Variants in CFTR observed in about 807,000 individuals in gnomAD.
The protein encoded by CFTR is CF transmembrane conductance regulator, also known as cystic fibrosis transmembrane conductance regulator.
A neutral mutation model predicts 171.6 loss-of-function variants in CFTR; 181 were observed. The observed-to-expected ratio is 1.05, with a 90% CI of 0.93 to 1.19. The LOEUF is 1.19. Ranked by LOEUF, CFTR falls within the 50% of genes most tolerant of loss-of-function variation. The pLI is 0.00. For synonymous variants in CFTR, 583 were observed against 608.0 expected (o/e 0.96, Z 0.60); for missense variants, 1,968 against 1,734.7 (o/e 1.13, Z -2.39).
chr7:117,543,649 G>T (rs552891745), intron 9 of CFTR, among the ~76,000 whole-genome samples: 105 of 152,152 alleles, frequency 6.9e-4, no homozygotes, highest in Non-Finnish European at 1.0e-3. Flanking sequence ...TCACACAACT[G>T]GCAAGGACTG....
chr7:117,532,426 G>T (rs1276150993), intron 4 of CFTR, among the ~76,000 whole-genome samples: 1 of 152,148 alleles, frequency 6.6e-6, no homozygotes, highest in African/African-American at 2.4e-5. Context: ...CTATCTTATG[G>T]ATAAGTAAAC....
chr7:117,626,113 G>T (rs1792645497), intron 21 of CFTR, among the ~76,000 whole-genome samples: 1 of 152,074 alleles, frequency 6.6e-6, no homozygotes, highest in Non-Finnish European at 1.5e-5. Flanking sequence ...ATATTTTCAA[G>T]ATGAAGGAAA....
chr7:117,544,819 C>T (rs1562893749), intron 9 of CFTR, among the ~76,000 whole-genome samples: 1 of 152,236 alleles, frequency 6.6e-6, no homozygotes, highest in Non-Finnish European at 1.5e-5. Context: ...CTCCCCACTA[C>T]AACATAGATT....
At chr7:117,602,669 T>C (rs932767403) in intron 15 of CFTR, among the ~76,000 whole-genome samples, 157 bp from the exon 16 acceptor site, 2 of 152,198 alleles carry the variant, frequency 1.3e-5, no homozygotes, top group Non-Finnish European at 2.9e-5. Flanking sequence ...CTAGTACAGC[T>C]GCTGGACCCA....
intron 11 of CFTR, among the ~76,000 whole-genome samples, chr7:117,569,569 A>C (rs1289460859): frequency 6.6e-6 from 1 of 152,204 alleles, no homozygotes; most frequent in African/African-American, 2.4e-5. Flanking sequence ...AAGTAAATTA[A>C]AACAACAATG....
intron 9 of CFTR, among the ~76,000 whole-genome samples, chr7:117,543,432 C>CA (rs1238264853): frequency 1.3e-5 from 2 of 152,120 alleles, no homozygotes; most frequent in Non-Finnish European, 2.9e-5. Flanking sequence ...TACTCTGGTG[C>CA]AAAAACCCTC....
chr7:117,499,011 G>A (rs1369762082), intron 1 of CFTR, among the ~76,000 whole-genome samples: 1 of 152,106 alleles, frequency 6.6e-6, no homozygotes, highest in Non-Finnish European at 1.5e-5. Flanking sequence ...AAGTGTATTA[G>A]TATGTCAATA....
intron 10 of CFTR, among the ~76,000 whole-genome samples, chr7:117,550,539 T>C (rs926657095): frequency 2.0e-5 from 3 of 152,158 alleles, no homozygotes; most frequent in African/African-American, 7.2e-5. Flanking sequence ...ATTAAAAAAT[T>C]ATACTATAGG....
At chr7:117,594,894 C>A (rs775384604) in intron 14 of CFTR, 36 bp from the exon 15 acceptor site, 2 of 1,603,728 alleles carry the variant, frequency 1.2e-6, no homozygotes, top group South Asian at 2.2e-5. Context: ...TGAAACTGTA[C>A]TGTCTTATTG....
At chr7:117,616,139 T>C (rs955257965) in intron 21 of CFTR, 8 of 152,104 alleles carry the variant, frequency 5.3e-5, no homozygotes, top group African/African-American at 1.9e-4. Context: ...TTCTGGTTCA[T>C]GTGTCTTCTT....
intron 24 of CFTR, among the ~76,000 whole-genome samples, chr7:117,660,664 A>G (rs1194764187): frequency 6.8e-6 from 1 of 146,148 alleles, no homozygotes; most frequent in Non-Finnish European, 1.5e-5. Context: ...TTGGGGATAT[A>G]TATGTGTGTG....
intron 2 of CFTR, 92 bp from the exon 3 acceptor site, chr7:117,508,942 T>C (rs1798465911): frequency 3.6e-6 from 3 of 837,600 alleles, no homozygotes; most frequent in East Asian, 4.8e-5. Context: ...TCCTTGGATA[T>C]ACTTGTGTGA....
At chr7:117,618,792 A>G (rs1344902742) in intron 21 of CFTR, among the ~76,000 whole-genome samples, 6 of 152,200 alleles carry the variant, frequency 3.9e-5, no homozygotes, top group Non-Finnish European at 1.5e-5. Context: ...ATAAAAAGTC[A>G]TCTGAACATT....
At position 117,651,455 on chromosome 7, in the gene CFTR, C is replaced by T. The variant is rs117299152; in HGVS notation, c.3874-1387C>T. ...GTTTTTCAGAATTCTCCAATAATGA[C>T]CTTTGTCTACTCTCTTCAGTTTATT... On this transcript the variant is annotated intron_variant, in intron 23 of 26. Coordinates refer to ENST00000003084, the MANE Select transcript of CFTR (RefSeq NM_000492.4). 5.7e-3 allele frequency among the ~76,000 whole-genome samples: 866 copies of T among 152,274 alleles called. 4 individuals carry two copies. Among genetic ancestry groups the T allele is most frequent in the Non-Finnish European group, 9.7e-3 (660 of 68,004 alleles).
At chr7:117,625,953 A>G (rs1792643029) in intron 21 of CFTR, among the ~76,000 whole-genome samples, 2 of 152,150 alleles carry the variant, frequency 1.3e-5, no homozygotes, top group African/African-American at 4.8e-5. Flanking sequence ...AAAATATTAC[A>G]TGTGGAACAA....
intron 20 of CFTR, 120 bp downstream of exon 20, chr7:117,611,928 T>A: frequency 1.5e-6 from 1 of 657,780 alleles, no homozygotes; most frequent in East Asian, 2.8e-5. Flanking sequence ...TTAACAAATT[T>A]GTTGGTTTAT....
intron 11 of CFTR, among the ~76,000 whole-genome samples, chr7:117,572,809 T>C (rs1791714267): frequency 6.6e-6 from 1 of 152,206 alleles, no homozygotes; most frequent in South Asian, 2.1e-4. Flanking sequence ...CATGCTTTAT[T>C]GAATGGCATT....
chr7:117,516,905 T>C (rs1026390250), intron 3 of CFTR, among the ~76,000 whole-genome samples: 1 of 152,174 alleles, frequency 6.6e-6, no homozygotes, highest in Non-Finnish European at 1.5e-5. Flanking sequence ...TCATCTCAAT[T>C]TCATTATTGT....
intron 11 of CFTR, among the ~76,000 whole-genome samples, chr7:117,570,728 T>C (rs1300680130): frequency 6.6e-6 from 1 of 152,214 alleles, no homozygotes; most frequent in African/African-American, 2.4e-5. Context: ...TGGACACCAA[T>C]GACTTTAAGT....
Sources: allele counts gnomAD v4.1 joint callset (sites outside exome capture counted in the v4.1 genomes callset), GRCh38; gene constraint gnomAD v4.1.1; transcripts MANE v1.5; gene names NCBI Gene and HGNC (gene_info 2026-07-23, HGNC 2026-07-21).